DGKB: variants seen among roughly 807,000 people sequenced by gnomAD.
DGKB encodes the protein 90 kDa diacylglycerol kinase.
A neutral mutation model predicts 114.3 loss-of-function variants in DGKB; 67 were observed. The ratio of observed to expected loss-of-function variants is 0.59; its 90% CI spans 0.48 to 0.72. The LOEUF is 0.72. DGKB is among the 30% of genes least tolerant of loss of function. DGKB has a pLI of 0.00. For synonymous variants in DGKB, 398 were observed against 323.1 expected (o/e 1.23, Z -2.49); for missense variants, 907 against 975.2 (o/e 0.93, Z 0.93).
chr7:14,845,140 GAAAGAAAGAAAA>G (rs1333878869), intron 1 of DGKB, among the ~76,000 whole-genome samples: 35 of 105,938 alleles, frequency 3.3e-4, no homozygotes, highest in Admixed American at 1.2e-3. Context: ...AAAAAAAAAA[GAAAGAAAGAAAA>G]AAAGGAAGAA....
chr7:14,883,884 A>T (rs930090254), intron 1 of DGKB, among the ~76,000 whole-genome samples: 5 of 152,010 alleles, frequency 3.3e-5, no homozygotes, highest in African/African-American at 1.2e-4. Context: ...CCAACAAACA[A>T]GTGGATTAGT....
At chr7:14,384,992 T>C (rs1428018066) in intron 21 of DGKB, among the ~76,000 whole-genome samples, 3 of 152,130 alleles carry the variant, frequency 2.0e-5, no homozygotes, top group Non-Finnish European at 4.4e-5. Context: ...GGAATTACTT[T>C]CCTTAAAGGT....
intron 15 of DGKB, among the ~76,000 whole-genome samples, chr7:14,615,286 A>T (rs1806306391): frequency 6.6e-6 from 1 of 151,954 alleles, no homozygotes; most frequent in South Asian, 2.1e-4. Flanking sequence ...TAAAGTCAAC[A>T]TTCATTTTAT....
Position 14,753,933 on chromosome 7 carries a change from T to G in DGKB, c.163A>C (p.Asn55His), listed in dbSNP as rs754078129. 6.6e-7 allele frequency: 1 copy of G among 1,514,034 alleles called. No homozygotes were observed. Among genetic ancestry groups the G allele is most frequent in the South Asian group, 1.2e-5 (1 of 83,974 alleles). 93.8% of individuals were successfully genotyped at this position (1,514,034 alleles called of 1,614,324 possible). The change falls in exon 4 of 26, where the codon AAC becomes CAC. Residue 55 changes from asparagine (N) to histidine (H), a missense_variant. Around this residue, in one of 3 missense-constraint regions of DGKB, gnomAD observed 814 missense variants for 856.6 expected, o/e 0.95. Transcript: ENST00000402815. ...YNPEGKQDIL[N>H]QTIDFEGFKL... ...TAGAAAAGAAAATGTCTTACTTGGT[T>G]AAGAATGTCTTGTTTCTGTGCATGC...
At chr7:14,363,127 C>T (rs190296184) in intron 21 of DGKB, among the ~76,000 whole-genome samples, 11 of 152,214 alleles carry the variant, frequency 7.2e-5, no homozygotes, top group Non-Finnish European at 1.6e-4. Context: ...TCCAGCTCAT[C>T]CACCAGATTA....
chr7:14,876,163 C>T (rs1200749790), intron 1 of DGKB, among the ~76,000 whole-genome samples: 1 of 152,130 alleles, frequency 6.6e-6, no homozygotes, highest in Non-Finnish European at 1.5e-5. Context: ...GTCTGTTTAC[C>T]ATTGCCATGG....
At chr7:14,899,496 C>T (rs1185764892) in intron 1 of DGKB, among the ~76,000 whole-genome samples, 1 of 152,134 alleles carries the variant, frequency 6.6e-6, no homozygotes, top group African/African-American at 2.4e-5. Context: ...TCCCTCAGGA[C>T]AAAGAGTGTG....
At chr7:14,858,396 G>A (rs2128174384) in intron 1 of DGKB, among the ~76,000 whole-genome samples, 1 of 152,138 alleles carries the variant, frequency 6.6e-6, no homozygotes, top group African/African-American at 2.4e-5. Flanking sequence ...ACTTATTTTA[G>A]GATATGAATG....
chr7:14,169,894 G>T (rs1423060665), intron 25 of DGKB, among the ~76,000 whole-genome samples: 2 of 151,980 alleles, frequency 1.3e-5, no homozygotes, highest in Non-Finnish European at 2.9e-5. Flanking sequence ...CAGCACTTTG[G>T]GCAGCCAAGG....
chr7:14,281,712 C>A (rs1799989560), intron 23 of DGKB, among the ~76,000 whole-genome samples: 1 of 152,046 alleles, frequency 6.6e-6, no homozygotes, highest in African/African-American at 2.4e-5. Context: ...GAATCTCACT[C>A]AAAACCGCTC....
At chr7:14,507,222 C>A (rs1787229750) in intron 20 of DGKB, among the ~76,000 whole-genome samples, 2 of 152,014 alleles carry the variant, frequency 1.3e-5, no homozygotes, top group Admixed American at 1.3e-4. Flanking sequence ...TCAATGACAT[C>A]TAAAATTAAG....
intron 13 of DGKB, among the ~76,000 whole-genome samples, chr7:14,659,228 T>G (rs2049449): frequency 0.27 from 40,846 of 151,850 alleles, 7,140 homozygotes; most frequent in East Asian, 0.74. Context: ...AGGGCTATGG[T>G]GCTGAACATA....
At chr7:14,316,614 A>G (rs62443930) in intron 23 of DGKB, among the ~76,000 whole-genome samples, 5,020 of 127,296 alleles carry the variant, frequency 0.039, 218 homozygotes, top group African/African-American at 0.12. Flanking sequence ...TAGACCAATA[A>G]CAGGATCTGA....
intron 5 of DGKB, among the ~76,000 whole-genome samples, chr7:14,735,012 G>T (rs962400143): frequency 6.6e-6 from 1 of 152,194 alleles, no homozygotes; most frequent in Non-Finnish European, 1.5e-5. Flanking sequence ...TGCTCCTGTT[G>T]AATCTCTGCA....
chr7:14,448,925 T>G (rs1831087451), intron 21 of DGKB, among the ~76,000 whole-genome samples: 2 of 152,086 alleles, frequency 1.3e-5, no homozygotes, highest in African/African-American at 4.8e-5. Flanking sequence ...AGAACAGAAT[T>G]CAATAAGAAG....
intron 1 of DGKB, among the ~76,000 whole-genome samples, chr7:14,939,609 G>A: frequency 7.2e-6 from 1 of 139,662 alleles, no homozygotes; most frequent in East Asian, 2.3e-4. Flanking sequence ...CTGCTATCAT[G>A]AAAATATAAT....
intron 2 of DGKB, among the ~76,000 whole-genome samples, chr7:14,780,771 C>A (rs936119612): frequency 7.2e-5 from 11 of 152,138 alleles, no homozygotes; most frequent in Non-Finnish European, 1.5e-4. Context: ...TAATTAAGAT[C>A]TTATTCACCC....
chr7:14,681,707 T>G lies in DGKB; in HGVS notation c.1035+846A>C, dbSNP rs377274139. 5.9e-5 allele frequency among the ~76,000 whole-genome samples: 9 copies of G among 152,136 alleles called. No individual in the cohort carries two copies. In the East Asian group the frequency reaches 1.2e-3, roughly 20 times the overall value. On this transcript the variant is annotated intron_variant, in intron 12 of 25. Coordinates refer to ENST00000402815, the MANE Select transcript of DGKB (RefSeq NM_001350709.2). ...ATAGCTATTATTGAAAATGTGTGATTCTAATTAACTTACAGAAATTACACA... is the reference window on the plus strand; with the variant it reads ...ATAGCTATTATTGAAAATGTGTGATGCTAATTAACTTACAGAAATTACACA...
chr7:14,399,150 C>G (rs946667950), intron 21 of DGKB, among the ~76,000 whole-genome samples: 1 of 151,338 alleles, frequency 6.6e-6, no homozygotes, highest in Non-Finnish European at 1.5e-5. Context: ...AATGGCAATA[C>G]CACTATTACC....
Sources: gnomAD v4.1 joint callset for allele counts (sites outside exome capture counted in the v4.1 genomes callset) on GRCh38, gnomAD v4.1.1 for gene constraint, gnomAD v4.1.1 regional missense constraint, MANE v1.5 for transcripts, NCBI Gene and HGNC (gene_info 2026-07-23, HGNC 2026-07-21) for gene names.